The following CDH13 variants were observed in gnomAD, a reference collection of about 807,000 sequenced individuals.
CDH13 encodes the protein cadherin 13.
A neutral mutation model predicts 63.8 loss-of-function variants in CDH13; 24 were observed. The observed-to-expected ratio is 0.38, with a 90% CI of 0.27 to 0.53. The LOEUF (loss-of-function observed/expected upper bound fraction) is 0.53, where lower values mean the gene tolerates loss of function less well. Among genes scored for constraint, CDH13 ranks in the 20% least tolerant of loss-of-function variants. CDH13 has a pLI of 0.85. For missense variants in CDH13, 1,049 were observed against 903.1 expected, an observed-to-expected ratio of 1.16 and a Z score of -2.07; for synonymous variants, 503 against 355.3, an observed-to-expected ratio of 1.42 and a Z score of -4.67.
chr16:83,064,800 T>C (rs2031861943), intron 3 of CDH13, among the ~76,000 whole-genome samples: 1 of 152,236 alleles, frequency 6.6e-6, no homozygotes, highest in Non-Finnish European at 1.5e-5. Flanking sequence ...TAAAATGGTA[T>C]AATTAAATCA....
At chr16:83,140,739 G>A (rs894212670) in intron 4 of CDH13, among the ~76,000 whole-genome samples, 8 of 152,218 alleles carry the variant, frequency 5.3e-5, no homozygotes, top group African/African-American at 1.9e-4. Flanking sequence ...ACAGGTGCGA[G>A]CCGCTGCACC....
Position 83,748,224 on chromosome 16 carries a change from C to G in CDH13, c.1655C>G (p.Thr552Ser), listed in dbSNP as rs1912769505. 7 of 1,612,046 alleles carry G rather than the reference C, an allele frequency of 4.3e-6. No individual in the cohort carries two copies. The highest frequency in any genetic ancestry group is 5.9e-6 in the Non-Finnish European group (7 of 1,178,336). ...ESPFVDNSVYTALFLAIDSGN... is the reference protein window; with the variant it reads ...ESPFVDNSVYSALFLAIDSGN... Reference sequence around the variant, plus strand: ...CCATTTGTCGACAACAGCGTGTACACTGCTCTCTTCCTGGCAATTGACAGT... The same window carrying G: ...CCATTTGTCGACAACAGCGTGTACAGTGCTCTCTTCCTGGCAATTGACAGT... The change falls in exon 11 of 14, where the codon ACT becomes AGT. Residue 552 changes from threonine (T) to serine (S), a missense_variant. By Grantham distance (58) the Thr-to-Ser change is moderately conservative. Transcript: ENST00000567109.
At chr16:83,521,032 C>A (rs757434933) in intron 7 of CDH13, among the ~76,000 whole-genome samples, 2 of 152,128 alleles carry the variant, frequency 1.3e-5, no homozygotes, top group Non-Finnish European at 2.9e-5. Flanking sequence ...TTTCTAACAT[C>A]TGTTCTAATA....
intron 2 of CDH13, among the ~76,000 whole-genome samples, chr16:82,948,723 G>A (rs1904994338): frequency 6.6e-6 from 1 of 152,048 alleles, no homozygotes; most frequent in Admixed American, 6.6e-5. Flanking sequence ...TCTCTCAGTT[G>A]CCTTCTTTAC....
chr16:82,979,136 G>T lies in CDH13; in HGVS notation c.158-52874G>T, dbSNP rs543489806. Among the ~76,000 whole-genome samples, 7 of 152,310 alleles carry T rather than the reference G, an allele frequency of 4.6e-5. No homozygotes were observed. In the South Asian group the frequency reaches 1.5e-3, roughly 32 times the overall value. On this transcript the variant is annotated intron_variant, in intron 2 of 13. Transcript: ENST00000567109. Reference sequence around the variant, plus strand: ...GCCTGTAGCTCCTTTGTTTTGGCCAGTTACTCCCATTTGGAACAGATGTAT... The same window carrying T: ...GCCTGTAGCTCCTTTGTTTTGGCCATTTACTCCCATTTGGAACAGATGTAT...
intron 2 of CDH13, among the ~76,000 whole-genome samples, chr16:82,914,802 T>A (rs1020759477): frequency 1.3e-4 from 20 of 152,218 alleles, no homozygotes; most frequent in Admixed American, 1.3e-3. Context: ...TGTTCTCTAC[T>A]ACAAAATCGT....
At chr16:82,928,762 A>G (rs1346705472) in intron 2 of CDH13, among the ~76,000 whole-genome samples, 4 of 152,234 alleles carry the variant, frequency 2.6e-5, no homozygotes, top group African/African-American at 9.6e-5. Flanking sequence ...AGAAGAGCTT[A>G]CACTTTTTAT....
At chr16:82,962,152 A>G (rs1907114449) in intron 2 of CDH13, among the ~76,000 whole-genome samples, 1 of 152,212 alleles carries the variant, frequency 6.6e-6, no homozygotes, top group South Asian at 2.1e-4. Context: ...AGATCAAATA[A>G]TCCTGAATTA....
At chr16:83,368,254 C>T (rs1333296737) in intron 6 of CDH13, among the ~76,000 whole-genome samples, 1 of 152,134 alleles carries the variant, frequency 6.6e-6, no homozygotes, top group African/African-American at 2.4e-5. Flanking sequence ...GTTATACACT[C>T]ATAATTATAC....
intron 3 of CDH13, among the ~76,000 whole-genome samples, chr16:83,111,519 T>A (rs2151621923): frequency 6.6e-6 from 1 of 152,286 alleles, no homozygotes; most frequent in African/African-American, 2.4e-5. Context: ...GCAGCATACA[T>A]CACATGGGAG....
In CDH13 at chr16:82,779,952, A is replaced by T. The variant is rs2035674263; in HGVS notation, c.46-78410A>T. Among the ~76,000 whole-genome samples, 9 of 152,126 alleles carry T rather than the reference A, an allele frequency of 5.9e-5. No homozygotes were observed. In the South Asian group the frequency reaches 1.9e-3, roughly 32 times the overall value. On this transcript the variant is annotated intron_variant, in intron 1 of 13. Transcript: ENST00000567109. ...CTGCACATGTGTATCATGTTACTGC[A>T]TCTTACCTTGACAGGCGCACTTTAG...
chr16:82,914,314 C>T (rs1036804632), intron 2 of CDH13, among the ~76,000 whole-genome samples: 3 of 152,154 alleles, frequency 2.0e-5, no homozygotes, highest in Non-Finnish European at 2.9e-5. Context: ...ACTATCATAA[C>T]CCGTATAGTC....
chr16:83,513,795 C>G (rs2074632129), intron 7 of CDH13, among the ~76,000 whole-genome samples: 1 of 152,128 alleles, frequency 6.6e-6, no homozygotes, highest in Admixed American at 6.5e-5. Context: ...GGGACACGGC[C>G]AAACCTTAAC....
At chr16:83,698,023 C>T (rs1030303429) in intron 10 of CDH13, among the ~76,000 whole-genome samples, 3 of 152,244 alleles carry the variant, frequency 2.0e-5, no homozygotes, top group African/African-American at 7.2e-5. Context: ...CATTCACTAC[C>T]TGTCTCCCCA....
At chr16:82,689,982 TAAAAAAAAAAAAAAAAAAAAAAAAA>T (rs71146085) in intron 1 of CDH13, among the ~76,000 whole-genome samples, 1 of 15,772 alleles carries the variant, frequency 6.3e-5, no homozygotes, top group Non-Finnish European at 1.1e-4. Flanking sequence ...CCATCTCTAC[TAAAAAAAAAAAAAAAAAAAAAAAAA>T]AAAAAAAAAA....
chr16:83,246,728 C>T (rs1178848612), intron 5 of CDH13, among the ~76,000 whole-genome samples: 2 of 152,200 alleles, frequency 1.3e-5, no homozygotes, highest in Non-Finnish European at 2.9e-5. Flanking sequence ...GCCGGTGTTG[C>T]TGCCAGAAGC....
At chr16:83,193,092 C>G (rs564420630) in intron 4 of CDH13, among the ~76,000 whole-genome samples, 1 of 151,946 alleles carries the variant, frequency 6.6e-6, no homozygotes, top group African/African-American at 2.4e-5. Context: ...ACAAGGGCAT[C>G]TGCACCTACA....
At chr16:82,932,808 G>A (rs2042540748) in intron 2 of CDH13, among the ~76,000 whole-genome samples, 1 of 152,158 alleles carries the variant, frequency 6.6e-6, no homozygotes, top group South Asian at 2.1e-4. Flanking sequence ...GGCCTAAAGT[G>A]TGAACGATTA....
chr16:83,444,793 G>A (rs73601905), intron 6 of CDH13, among the ~76,000 whole-genome samples: 3 of 152,176 alleles, frequency 2.0e-5, no homozygotes, highest in Non-Finnish European at 2.9e-5. Flanking sequence ...TATTCTGTTC[G>A]AAATGAAAAT....
Sources: allele counts gnomAD v4.1 joint callset (sites outside exome capture counted in the v4.1 genomes callset), GRCh38; gene constraint gnomAD v4.1.1; transcripts MANE v1.5; gene names NCBI Gene and HGNC (gene_info 2026-07-23, HGNC 2026-07-21).